Variants in ZNF207 observed in about 807,000 individuals in gnomAD.
ZNF207 encodes zinc finger protein 207.
A neutral mutation model predicts 60.2 loss-of-function variants in ZNF207; 24 were observed. The ratio of observed to expected loss-of-function variants is 0.40; its 90% CI spans 0.29 to 0.56. The LOEUF (loss-of-function observed/expected upper bound fraction) is 0.56. ZNF207 is among the 20% of genes least tolerant of loss of function. The pLI, the probability that ZNF207 is intolerant of heterozygous loss-of-function variation, is 0.49. For synonymous variants in ZNF207, 236 were observed against 194.7 expected (o/e 1.21, Z -1.77); for missense variants, 452 against 636.6 (o/e 0.71, Z 3.12).
chr17:32,369,425 A>G lies in ZNF207; in HGVS notation c.1295A>G (p.Gln432Arg), dbSNP rs1211814330. Residue 432 changes from glutamine to arginine, a missense_variant, in exon 11 of 12, where the codon CAA (glutamine) becomes CGA (arginine). This residue lies in a region of ZNF207 where 390 missense variants were observed against 461.4 expected (regional missense o/e 0.85). Coordinates refer to ENST00000394670, the MANE Select transcript of ZNF207 (RefSeq NM_001098507.2). ...MPPQPGIPQQ[Q>R]GMRPPMPPHG... ...CCACAGCCAGGCATCCCACAGCAAC[A>G]AGGAATGAGACCCCCAATGCCACCT... 1 of 1,614,172 alleles carries G rather than the reference A, an allele frequency of 6.2e-7. No homozygotes were observed. Among genetic ancestry groups the G allele is most frequent in the Non-Finnish European group, 8.5e-7 (1 of 1,180,006 alleles).
At chr17:32,358,927 G>A (rs550583921) in intron 3 of ZNF207, among the ~76,000 whole-genome samples, 1 of 152,048 alleles carries the variant, frequency 6.6e-6, no homozygotes, top group South Asian at 2.1e-4. Flanking sequence ...GGCCTCCTGA[G>A]TAGCTGGCAC....
In ZNF207 at chr17:32,379,177, T is replaced by C. The variant is rs1377275771; in HGVS notation, c.*9418T>C. On this transcript the variant is annotated 3_prime_UTR_variant, in exon 12 of 12. Coordinates refer to ENST00000394670, the MANE Select transcript of ZNF207 (RefSeq NM_001098507.2). ...GGTGTAGATACAGTGGAAATGGTTT[T>C]CCTTAAAACCATCTCTTTAAAGCTG... is the stretch of plus-strand genomic sequence containing the variant. The C allele has an allele frequency of 1.3e-5, 2 of 152,098 alleles. No homozygotes were observed. Among genetic ancestry groups the C allele is most frequent in the Non-Finnish European group, 2.9e-5 (2 of 67,950 alleles). The allele number at this position is 152,098 out of a possible 1,614,324, so 9.4% of individuals were successfully genotyped here.
chr17:32,356,323 T>A (rs1904503650), intron 2 of ZNF207, among the ~76,000 whole-genome samples: 1 of 152,190 alleles, frequency 6.6e-6, no homozygotes, highest in South Asian at 2.1e-4. Context: ...TGAATGTAAT[T>A]GTTTATAGAA....
At position 32,371,069 on chromosome 17, in the gene ZNF207, C is replaced by T. The variant is rs1905443498; in HGVS notation, c.*1310C>T. ...CTTTTCTGTAGAGATGACTGCTATT[C>T]AATATTTTGTGTTGCAACCTCTTAA... On this transcript the variant is annotated 3_prime_UTR_variant, in exon 12 of 12. Coordinates refer to ENST00000394670, the MANE Select transcript of ZNF207 (RefSeq NM_001098507.2). 1 of 152,134 alleles carries T rather than the reference C, an allele frequency of 6.6e-6. No individual in the cohort carries two copies. The highest frequency in any genetic ancestry group is 2.1e-4 in the South Asian group (1 of 4,832). 9.4% of individuals were successfully genotyped at this position (152,134 alleles called of 1,614,324 possible).
At chr17:32,357,130 T>C (rs535656438) in intron 2 of ZNF207, among the ~76,000 whole-genome samples, 3 of 150,868 alleles carry the variant, frequency 2.0e-5, no homozygotes, top group African/African-American at 7.3e-5. Context: ...TGCAGTGAAC[T>C]GAGATAATGG....
rs147975769 is a variant in ZNF207 at position 32,378,604 on chromosome 17, A to G, written c.*8845A>G. The G allele has an allele frequency of 5.6e-4, 85 of 152,076 alleles. No individual in the cohort carries two copies. Among genetic ancestry groups the G allele is most frequent in the African/African-American group, 2.0e-3 (83 of 41,520 alleles). The allele number at this position is 152,076 out of a possible 1,614,324, so 9.4% of individuals were successfully genotyped here. ...ACCTTTTTAATACTGAAAGTTGACTACTCATCAAGAAATGTAGCTAGATTC... is the reference window on the plus strand; with the variant it reads ...ACCTTTTTAATACTGAAAGTTGACTGCTCATCAAGAAATGTAGCTAGATTC... On this transcript the variant is annotated 3_prime_UTR_variant, in exon 12 of 12. Coordinates refer to ENST00000394670, the MANE Select transcript of ZNF207 (RefSeq NM_001098507.2).
In ZNF207 at chr17:32,376,987, T is replaced by C. The variant is rs1035515381; in HGVS notation, c.*7228T>C. 7 of 152,070 alleles carry C rather than the reference T, an allele frequency of 4.6e-5. No homozygotes were observed. Among genetic ancestry groups the C allele is most frequent in the African/African-American group, 1.7e-4 (7 of 41,450 alleles). The allele number at this position is 152,070 out of a possible 1,614,324, so 9.4% of individuals were successfully genotyped here. A position where few individuals can be genotyped will look rare whatever the true frequency, so the allele number is the denominator to read the frequency against. ...TGTCTGGGTTGGTTGGTTTGCATTT[T>C]ACTATTATGGTGGAATCTGTGTTCC... On this transcript the variant is annotated 3_prime_UTR_variant, in exon 12 of 12. Coordinates refer to ENST00000394670, the MANE Select transcript of ZNF207 (RefSeq NM_001098507.2).
At chr17:32,352,190 G>A (rs974997356) in intron 2 of ZNF207, among the ~76,000 whole-genome samples, 1 of 152,022 alleles carries the variant, frequency 6.6e-6, no homozygotes, top group African/African-American at 2.4e-5. Flanking sequence ...GGCTGGTCTC[G>A]AACTCCTGAC....
chr17:32,350,179 C>T lies in ZNF207; in HGVS notation c.-107C>T, dbSNP rs748419433. On this transcript the variant is annotated 5_prime_UTR_variant, in exon 1 of 12. Transcript: ENST00000394670. ...GCCGTCGGCCATTTTGTGTCTGCTT[C>T]CTGTGGGACGTGGTGGTAGCCGTTG... The T allele has an allele frequency of 1.3e-5, 20 of 1,544,718 alleles. 1 individual carries two copies. The highest frequency in any genetic ancestry group is 8.5e-5 in the Admixed American group (5 of 59,160).
rs772742367 is a variant in ZNF207, at chr17:32,365,243, T to C, written c.671-87T>C. On this transcript the variant is annotated intron_variant, in intron 7 of 11. Coordinates refer to ENST00000394670, the MANE Select transcript of ZNF207 (RefSeq NM_001098507.2). Reference sequence around the variant, plus strand: ...TTTAGTCGAGTCATTGAGCAGTTAATTGTTAATAACTTTGTAGTATAGAAG... The same window carrying C: ...TTTAGTCGAGTCATTGAGCAGTTAACTGTTAATAACTTTGTAGTATAGAAG... The C allele has an allele frequency of 7.0e-5, 98 of 1,391,518 alleles. 1 individual carries two copies. Among genetic ancestry groups the C allele is most frequent in the Non-Finnish European group, 9.1e-5 (93 of 1,019,964 alleles). 86.2% of individuals were successfully genotyped at this position (1,391,518 alleles called of 1,614,324 possible).
chr17:32,358,832 G>T (rs1328919742), intron 3 of ZNF207, among the ~76,000 whole-genome samples, 191 bp downstream of exon 3: 1 of 151,888 alleles, frequency 6.6e-6, no homozygotes. Flanking sequence ...GTCTTGCTCT[G>T]TTGCCAGGCT....
chr17:32,361,412 C>G, intron 5 of ZNF207, 56 bp from the exon 6 acceptor site: 1 of 1,475,600 alleles, frequency 6.8e-7, no homozygotes, highest in South Asian at 1.2e-5. Context: ...AATACACTTT[C>G]CCACTGTATT....
intron 1 of ZNF207, chr17:32,351,563 G>A (rs1344170444): frequency 3.3e-6 from 5 of 1,532,470 alleles, no homozygotes; most frequent in Admixed American, 2.0e-5. Flanking sequence ...TTATTGAGAT[G>A]TGTTTTTTGG....
intron 9 of ZNF207, among the ~76,000 whole-genome samples, chr17:32,367,239 T>TTA (rs10525886): frequency 0.073 from 2,328 of 31,730 alleles, 85 homozygotes; most frequent in Non-Finnish European, 0.1. Context: ...TTGGAGGGGA[T>TTA]TATATATATA....
In ZNF207 at chr17:32,370,047, G is replaced by A; in HGVS notation, c.*288G>A. 4.1e-6 allele frequency: 1 copy of A among 241,604 alleles called. No homozygotes were observed. Among genetic ancestry groups the A allele is most frequent in the Non-Finnish European group, 7.8e-6 (1 of 128,044 alleles). 15.0% of individuals were successfully genotyped at this position (241,604 alleles called of 1,614,324 possible). ...AAATTTGGTTCGTTAAATTGTGAAG[G>A]CGCTGGAATTACATGAACATACCAC... On this transcript the variant is annotated 3_prime_UTR_variant, in exon 12 of 12. Transcript: ENST00000394670.
chr17:32,357,364 T>TTTTTG, intron 2 of ZNF207, among the ~76,000 whole-genome samples: 1 of 142,264 alleles, frequency 7.0e-6, no homozygotes, highest in African/African-American at 2.6e-5. Context: ...TTTTTTTTTT[T>TTTTTG]TTGAGACAGA....
At chr17:32,363,409 A>G (rs1904994938) in intron 7 of ZNF207, among the ~76,000 whole-genome samples, 1 of 151,810 alleles carries the variant, frequency 6.6e-6, no homozygotes, top group Non-Finnish European at 1.5e-5. Flanking sequence ...GAAGTTTGAA[A>G]TAGATGATAG....
At chr17:32,367,625 G>A (rs1905264671) in intron 9 of ZNF207, 147 bp from the exon 10 acceptor site, 1 of 1,095,896 alleles carries the variant, frequency 9.1e-7, no homozygotes, top group African/African-American at 1.6e-5. Context: ...TGAATTTTGT[G>A]GAATGTTTAT....
chr17:32,365,225 G>A (rs1905105462), intron 7 of ZNF207, 105 bp from the exon 8 acceptor site: 2 of 1,232,326 alleles, frequency 1.6e-6, no homozygotes, highest in Middle Eastern at 2.0e-4. Context: ...GGATTTAGTC[G>A]AGTCATTGAG....
Sources: gnomAD v4.1 joint callset for allele counts (sites outside exome capture counted in the v4.1 genomes callset) on GRCh38, gnomAD v4.1.1 for gene constraint, gnomAD v4.1.1 regional missense constraint, MANE v1.5 for transcripts, NCBI Gene and HGNC (gene_info 2026-07-23, HGNC 2026-07-21) for gene names.